KIF6: variants seen among roughly 807,000 people sequenced by gnomAD.
The protein encoded by KIF6 is kinesin-like protein KIF6.
Under a neutral mutation model 112.7 loss-of-function variants are expected in KIF6, and 106 were observed. The ratio of observed to expected loss-of-function variants is 0.94; its 90% CI spans 0.80 to 1.11. The LOEUF is 1.11. KIF6 is among the 50% of genes least tolerant of loss of function. KIF6 has a pLI of 0.00. For synonymous variants in KIF6, 339 were observed against 339.9 expected (o/e 1.00, Z 0.03); for missense variants, 929 against 964.0 (o/e 0.96, Z 0.48).
rs890425341 is a variant in KIF6, at chr6:39,725,231, G to T, written c.66+14C>A. 1.9e-6 allele frequency: 3 copies of T among 1,603,418 alleles called. No homozygotes were observed. The highest frequency in any genetic ancestry group is 2.3e-5 in the East Asian group (1 of 43,558). On this transcript the variant is annotated intron_variant, in intron 1 of 22. Coordinates refer to ENST00000287152, the MANE Select transcript of KIF6 (RefSeq NM_145027.6). ...GCCCCGCCGCGCCGGCGCCCCGGAG[G>T]CTCCAGCCCGTACCCCTTGTTGGTG...
chr6:39,369,796 G>T (rs1010691772), intron 16 of KIF6, among the ~76,000 whole-genome samples: 2 of 152,106 alleles, frequency 1.3e-5, no homozygotes, highest in Non-Finnish European at 2.9e-5. Context: ...ACTTGGCATG[G>T]ATCCTATTCA....
chr6:39,523,206 T>A (rs752242263), intron 13 of KIF6, among the ~76,000 whole-genome samples: 1 of 152,144 alleles, frequency 6.6e-6, no homozygotes, highest in African/African-American at 2.4e-5. Context: ...CTCAAATGTT[T>A]GTCTCATCTT....
At position 39,336,372 on chromosome 6, in the gene KIF6, C is replaced by A. The variant is rs139767998; in HGVS notation, c.*160G>T. ...AGCCTCTCGGTGGCCTCCAGGTCAG[C>A]ATCCTTAAAGAAACACAGTCCCCTC... On this transcript the variant is annotated 3_prime_UTR_variant, in exon 23 of 23. Transcript: ENST00000287152. 1,370 of 695,408 alleles carry A rather than the reference C, an allele frequency of 2.0e-3. 10 individuals carry two copies. In the African/African-American group the frequency reaches 0.023, roughly 11 times the overall value. The allele number at this position is 695,408 out of a possible 1,614,324, so 43.1% of individuals were successfully genotyped here.
intron 15 of KIF6, among the ~76,000 whole-genome samples, chr6:39,394,443 G>A (rs745427263): frequency 2.0e-5 from 3 of 152,184 alleles, no homozygotes; most frequent in Non-Finnish European, 4.4e-5. Context: ...GGGGAAATAA[G>A]GAGGGTTTCA....
intron 6 of KIF6, among the ~76,000 whole-genome samples, chr6:39,611,586 C>T (rs1332736537): frequency 6.6e-6 from 1 of 152,156 alleles, no homozygotes; most frequent in East Asian, 1.9e-4. Context: ...AGGGATGGAT[C>T]GCCTCCGAAA....
intron 5 of KIF6, among the ~76,000 whole-genome samples, chr6:39,622,796 T>C (rs1473131532): frequency 6.6e-6 from 1 of 152,206 alleles, no homozygotes; most frequent in African/African-American, 2.4e-5. Context: ...TCCAGAAATG[T>C]GCACGAGATG....
intron 16 of KIF6, among the ~76,000 whole-genome samples, chr6:39,385,129 C>A (rs1305950796): frequency 1.3e-5 from 2 of 152,196 alleles, no homozygotes; most frequent in African/African-American, 4.8e-5. Flanking sequence ...GGCTACATGA[C>A]CTTGGGAAGG....
intron 13 of KIF6, among the ~76,000 whole-genome samples, chr6:39,460,535 GTA>G (rs1491446177): frequency 2.2e-4 from 7 of 31,634 alleles, no homozygotes; most frequent in African/African-American, 4.5e-4. Context: ...AAAAAAAAAA[GTA>G]AAAAAAAAAA....
chr6:39,612,949 A>C (rs1404476358), intron 6 of KIF6, among the ~76,000 whole-genome samples: 2 of 152,176 alleles, frequency 1.3e-5, no homozygotes, highest in Non-Finnish European at 1.5e-5. Context: ...AAAGCAGTGG[A>C]TTGAGAATCC....
intron 15 of KIF6, among the ~76,000 whole-genome samples, chr6:39,417,592 C>T (rs949465073): frequency 6.6e-6 from 1 of 152,118 alleles, no homozygotes; most frequent in Non-Finnish European, 1.5e-5. Context: ...GTTGGTTGGC[C>T]CTTGGCTCTT....
chr6:39,644,679 G>A (rs1785075590), intron 3 of KIF6, among the ~76,000 whole-genome samples: 1 of 152,134 alleles, frequency 6.6e-6, no homozygotes, highest in African/African-American at 2.4e-5. Flanking sequence ...GAGAGTGACT[G>A]CTAATGGCTA....
At chr6:39,392,624 A>C (rs78929248) in intron 15 of KIF6, among the ~76,000 whole-genome samples, 6,232 of 152,354 alleles carry the variant, frequency 0.041, 160 homozygotes, top group Middle Eastern at 0.065. Context: ...ATTGAAACAA[A>C]TAAAAAGTAC....
chr6:39,342,630 TA>T lies in KIF6; in HGVS notation c.2428+1078del, dbSNP rs1562107711. Among the ~76,000 whole-genome samples, 1,619 of 103,936 alleles carry T rather than the reference TA, an allele frequency of 0.016. 203 individuals are homozygous for T. Among genetic ancestry groups the T allele is most frequent in the African/African-American group, 0.042 (844 of 19,930 alleles). The allele number at this position is 103,936 out of a possible 152,430, so 68.2% of individuals were successfully genotyped here. ...TTTTTTATTTTTTTTTATTTTTTTTTATTTTTAGACAAGGAAACTGAGAATG... is the reference window on the plus strand; with the variant it reads ...TTTTTTATTTTTTTTTATTTTTTTTTTTTTTAGACAAGGAAACTGAGAATG... On this transcript the variant is annotated intron_variant, in intron 22 of 22. Transcript: ENST00000287152. The surrounding 1 kb of genome is among the most constrained non-coding windows in gnomAD (Gnocchi z 4.7).
intron 13 of KIF6, among the ~76,000 whole-genome samples, chr6:39,514,861 C>T (rs1163011707): frequency 6.6e-6 from 1 of 152,134 alleles, no homozygotes; most frequent in Non-Finnish European, 1.5e-5. Context: ...TAATATAACA[C>T]TTGTTTGTGG....
chr6:39,518,949 C>G (rs1274818407), intron 13 of KIF6, among the ~76,000 whole-genome samples: 1 of 152,174 alleles, frequency 6.6e-6, no homozygotes, highest in Non-Finnish European at 1.5e-5. Context: ...GCTCATCATG[C>G]AGTGAAGATG....
intron 14 of KIF6, among the ~76,000 whole-genome samples, chr6:39,430,146 C>T (rs868357270): frequency 3.9e-5 from 6 of 151,950 alleles, no homozygotes; most frequent in Non-Finnish European, 8.8e-5. Context: ...TCTCCTGGTT[C>T]GCCCCCTCTT....
At chr6:39,389,551 G>T (rs1227103408) in intron 15 of KIF6, among the ~76,000 whole-genome samples, 1 of 152,166 alleles carries the variant, frequency 6.6e-6, no homozygotes, top group African/African-American at 2.4e-5. Context: ...TAGGTGGCCC[G>T]TGTGCTCTTT....
chr6:39,514,841 A>G (rs1349333362), intron 13 of KIF6, among the ~76,000 whole-genome samples: 3 of 152,234 alleles, frequency 2.0e-5, no homozygotes, highest in Non-Finnish European at 4.4e-5. Context: ...ATGGATGGAC[A>G]AATGGAAAAT....
At chr6:39,605,603 A>C (rs538982903) in intron 6 of KIF6, among the ~76,000 whole-genome samples, 2 of 152,050 alleles carry the variant, frequency 1.3e-5, no homozygotes, top group Admixed American at 1.3e-4. Flanking sequence ...ATGAAAAAAA[A>C]TATATACTGT....
Sources: allele counts gnomAD v4.1 joint callset (sites outside exome capture counted in the v4.1 genomes callset), GRCh38; gene constraint gnomAD v4.1.1; non-coding constraint Gnocchi (gnomAD v3.1); transcripts MANE v1.5; gene names NCBI Gene and HGNC (gene_info 2026-07-23, HGNC 2026-07-21).